KHDRBS2: variants seen among roughly 807,000 people sequenced by gnomAD.
The protein encoded by KHDRBS2 is KH domain-containing, RNA-binding, signal transduction-associated protein 2.
In KHDRBS2, 26 loss-of-function variants were observed where a neutral mutation model predicts 44.3. The observed-to-expected ratio is 0.59, with a 90% confidence interval of 0.43 to 0.81. KHDRBS2 has a LOEUF of 0.81. Among genes scored for constraint, KHDRBS2 ranks in the 40% least tolerant of loss-of-function variants. KHDRBS2 has a pLI of 0.00. For missense variants in KHDRBS2, 476 were observed against 433.1 expected, an observed-to-expected ratio of 1.10 and a Z score of -0.88; for synonymous variants, 194 against 151.1, an observed-to-expected ratio of 1.28 and a Z score of -2.08.
chr6:61,683,081 C>T (rs1182651298), intron 8 of KHDRBS2, among the ~76,000 whole-genome samples: 3 of 151,940 alleles, frequency 2.0e-5, no homozygotes, highest in East Asian at 2.0e-4. Context: ...TTTCACTCTA[C>T]AGGATTTAAG....
At chr6:61,937,199 C>T (rs1345765865) in intron 4 of KHDRBS2, among the ~76,000 whole-genome samples, 5 of 151,766 alleles carry the variant, frequency 3.3e-5, no homozygotes, top group African/African-American at 4.8e-5. Context: ...TTTACCCATC[C>T]CATTGAGTTT....
chr6:61,971,851 A>G (rs1227410385), intron 4 of KHDRBS2, among the ~76,000 whole-genome samples: 1 of 152,088 alleles, frequency 6.6e-6, no homozygotes, highest in Non-Finnish European at 1.5e-5. Flanking sequence ...GTAGCTCTCA[A>G]ATAAGTCTTT....
intron 1 of KHDRBS2, among the ~76,000 whole-genome samples, chr6:62,191,001 A>G (rs2150131386): frequency 6.6e-6 from 1 of 152,100 alleles, no homozygotes; most frequent in African/African-American, 2.4e-5. Context: ...TCCATATAAA[A>G]CTTGTCTTCC....
chr6:62,016,902 C>G (rs994858616), intron 3 of KHDRBS2, among the ~76,000 whole-genome samples: 2 of 151,936 alleles, frequency 1.3e-5, no homozygotes, highest in African/African-American at 4.8e-5. Context: ...CTTTGTTTCT[C>G]TTATTTAAAT....
At chr6:61,954,788 A>G (rs868607968) in intron 4 of KHDRBS2, among the ~76,000 whole-genome samples, 59 of 110,056 alleles carry the variant, frequency 5.4e-4, no homozygotes, top group Non-Finnish European at 8.5e-4. Flanking sequence ...GTGTATATAC[A>G]CATGCATATG....
chr6:61,764,577 G>T (rs1340196217), intron 6 of KHDRBS2, among the ~76,000 whole-genome samples: 1 of 152,058 alleles, frequency 6.6e-6, no homozygotes, highest in Admixed American at 6.5e-5. Context: ...ATTCTGACTT[G>T]TATGAGATGG....
chr6:62,078,750 C>A (rs1246389034), intron 2 of KHDRBS2, among the ~76,000 whole-genome samples: 3 of 151,896 alleles, frequency 2.0e-5, no homozygotes, highest in Admixed American at 2.0e-4. Flanking sequence ...ACAGAAAGTA[C>A]ATTTAATGTA....
At chr6:62,129,003 C>T (rs1291860085) in intron 2 of KHDRBS2, among the ~76,000 whole-genome samples, 1 of 152,050 alleles carries the variant, frequency 6.6e-6, no homozygotes, top group Non-Finnish European at 1.5e-5. Context: ...GTGTGACTAT[C>T]ACTGAATGAT....
intron 2 of KHDRBS2, among the ~76,000 whole-genome samples, chr6:62,121,116 TG>T (rs948182674): frequency 5.3e-5 from 8 of 152,188 alleles, no homozygotes; most frequent in Non-Finnish European, 7.3e-5. Flanking sequence ...GGGCTCATCC[TG>T]TGGTCATTTC....
intron 4 of KHDRBS2, among the ~76,000 whole-genome samples, chr6:61,976,560 T>C (rs1338221712): frequency 6.6e-6 from 1 of 152,102 alleles, no homozygotes; most frequent in Non-Finnish European, 1.5e-5. Flanking sequence ...TACAATATAT[T>C]TAAACCATCC....
chr6:62,113,519 A>G (rs1805509451), intron 2 of KHDRBS2, among the ~76,000 whole-genome samples: 1 of 152,132 alleles, frequency 6.6e-6, no homozygotes, highest in African/African-American at 2.4e-5. Context: ...TCCCTGAGAG[A>G]AACATGGCAA....
intron 1 of KHDRBS2, among the ~76,000 whole-genome samples, chr6:62,284,065 GTAT>G (rs748781245): frequency 3.2e-4 from 48 of 152,194 alleles, no homozygotes; most frequent in South Asian, 6.2e-4. Flanking sequence ...ATGTTCCTAA[GTAT>G]TATATCAAGA....
rs560685139 is a variant in KHDRBS2 at position 61,832,732 on chromosome 6, T to C, written c.810+61903A>G. Among the ~76,000 whole-genome samples, 10 of 152,286 alleles carry C rather than the reference T, an allele frequency of 6.6e-5. No homozygotes were observed. In the South Asian group the frequency reaches 1.5e-3, roughly 22 times the overall value. The stretch of plus-strand genomic sequence containing the variant: ...GTCCAAATGGAGAAAGATACAATGA[T>C]TGAAGCCCAGTCATGATCTGGCTGC... On this transcript the variant is annotated intron_variant, in intron 6 of 8. Coordinates refer to ENST00000281156, the MANE Select transcript of KHDRBS2 (RefSeq NM_152688.4).
intron 1 of KHDRBS2, among the ~76,000 whole-genome samples, chr6:62,187,398 C>T (rs1021796210): frequency 6.6e-6 from 1 of 152,034 alleles, no homozygotes; most frequent in Non-Finnish European, 1.5e-5. Context: ...CAGGCACCAT[C>T]CCAGAAACTG....
At chr6:61,574,454 C>T in the KHDRBS2 span, 7 of 1,383,600 alleles carry the variant, frequency 5.1e-6, no homozygotes, top group Non-Finnish European at 6.8e-6. Context: ...ATGCAAACAA[C>T]ACCCAATAAG....
chr6:61,642,166 TTTTC>T, the KHDRBS2 span, among the ~76,000 whole-genome samples: 2 of 152,316 alleles, frequency 1.3e-5, no homozygotes, highest in Non-Finnish European at 2.9e-5. Flanking sequence ...AAAATTTCTG[TTTTC>T]TTTGTTTCGT....
chr6:61,918,551 T>A (rs1807450416), intron 4 of KHDRBS2, among the ~76,000 whole-genome samples: 1 of 151,776 alleles, frequency 6.6e-6, no homozygotes, highest in Non-Finnish European at 1.5e-5. Flanking sequence ...AGTGAAAAGG[T>A]GGCCATCTGC....
At chr6:61,961,340 A>G (rs901065174) in intron 4 of KHDRBS2, among the ~76,000 whole-genome samples, 2 of 151,872 alleles carry the variant, frequency 1.3e-5, no homozygotes, top group Admixed American at 6.6e-5. Flanking sequence ...AGCTTCTTGT[A>G]AGGTGGTTTA....
intron 2 of KHDRBS2, among the ~76,000 whole-genome samples, chr6:62,141,275 A>G (rs376592499): frequency 1.3e-5 from 2 of 152,160 alleles, no homozygotes; most frequent in East Asian, 3.9e-4. Context: ...TCTTCGTACA[A>G]TGGGGAGGAT....
Sources: gnomAD v4.1 joint callset for allele counts (sites outside exome capture counted in the v4.1 genomes callset) on GRCh38, gnomAD v4.1.1 for gene constraint, MANE v1.5 for transcripts, NCBI Gene and HGNC (gene_info 2026-07-23, HGNC 2026-07-21) for gene names.